Variants in INTS12 observed in about 807,000 individuals in gnomAD.
INTS12 encodes the protein PHD finger protein 22.
INTS12 carries 13 observed loss-of-function variants against 41.6 expected under a neutral mutation model. That is an observed-to-expected ratio of 0.31 (90% CI 0.20 to 0.50). The LOEUF is 0.50. Among genes scored for constraint, INTS12 ranks in the 20% least tolerant of loss-of-function variants. The pLI, the probability that INTS12 is intolerant of heterozygous loss-of-function variation, is 0.98. For missense variants in INTS12, 432 were observed against 541.6 expected (o/e 0.80, Z 2.01); for synonymous variants, 199 against 191.4 (o/e 1.04, Z -0.33).
Position 105,682,832 on chromosome 4 carries a change from T to C in INTS12, c.1290A>G (p.Ala430=). The C allele has an allele frequency of 1.2e-6, 2 of 1,614,154 alleles. No homozygotes were observed. The highest frequency in any genetic ancestry group is 1.3e-5 in the African/African-American group (1 of 75,052). The change falls in exon 8 of 8, where the codon GCA becomes GCG. Residue 430 remains alanine, a synonymous_variant. Coordinates refer to ENST00000340139, the MANE Select transcript of INTS12 (RefSeq NM_020395.4). ...TTSESSSSPS[A]SLKGPTSQES... ...CTTGTGAAGTTGGGCCTTTAAGGGATGCTGAGGGAGAGCTGCTGGATTCTG... is the reference window on the plus strand; with the variant it reads ...CTTGTGAAGTTGGGCCTTTAAGGGACGCTGAGGGAGAGCTGCTGGATTCTG...
At chr4:105,687,433 C>T (rs1731534880) in intron 6 of INTS12, among the ~76,000 whole-genome samples, 1 of 151,908 alleles carries the variant, frequency 6.6e-6, no homozygotes, top group African/African-American at 2.4e-5. Flanking sequence ...GAATTTTCAC[C>T]CACTATTATT....
At chr4:105,686,638 TTA>T in intron 7 of INTS12, 52 bp downstream of exon 7, 1 of 1,387,570 alleles carries the variant, frequency 7.2e-7, no homozygotes, top group East Asian at 2.3e-5. Flanking sequence ...CAACTATTTT[TTA>T]GTCAACTAAA....
chr4:105,708,242 T>A, intron 1 of INTS12: 3 of 985,402 alleles, frequency 3.0e-6, no homozygotes, highest in Non-Finnish European at 3.6e-6. Flanking sequence ...AGAAAAGGAA[T>A]GTCAATCCTT....
At chr4:105,700,513 T>C (rs1247889227) in intron 2 of INTS12, among the ~76,000 whole-genome samples, 1 of 151,378 alleles carries the variant, frequency 6.6e-6, no homozygotes, top group Admixed American at 6.6e-5. Flanking sequence ...TCATGGTCAC[T>C]GCTGCCACTT....
In INTS12 at chr4:105,682,778, T is replaced by C. The variant is rs34234581; in HGVS notation, c.1344A>G (p.Leu448=). 888 of 1,614,130 alleles carry C rather than the reference T, an allele frequency of 5.5e-4. 9 individuals carry two copies. In the African/African-American group the frequency reaches 0.011, roughly 19 times the overall value. The change falls in exon 8 of 8, where the codon TTA becomes TTG. Residue 448 remains leucine (L), a synonymous_variant. Coordinates refer to ENST00000340139, the MANE Select transcript of INTS12 (RefSeq NM_020395.4). ...QESQLNAMKR[L]QMVKKKAAQK... The stretch of plus-strand genomic sequence containing the variant: ...GGGCAGCTTTCTTCTTGACCATCTG[T>C]AATCGCTTCATAGCATTGAGCTGTG...
At chr4:105,693,630 T>C (rs962262598) in intron 4 of INTS12, 144 bp from the exon 5 acceptor site, 5 of 569,720 alleles carry the variant, frequency 8.8e-6, no homozygotes, top group Non-Finnish European at 1.6e-5. Context: ...GATGTGCACA[T>C]TAAAGATCTG....
Position 105,700,007 on chromosome 4 carries a change from G to A in INTS12, c.-2C>T. 1 of 1,487,022 alleles carries A rather than the reference G, an allele frequency of 6.7e-7. No homozygotes were observed. Among genetic ancestry groups the A allele is most frequent in the South Asian group, 1.4e-5 (1 of 70,274 alleles). The allele number at this position is 1,487,022 out of a possible 1,614,324, so 92.1% of individuals were successfully genotyped here. A position where few individuals can be genotyped will look rare whatever the true frequency, so the allele number is the denominator to read the frequency against. On this transcript the variant is annotated 5_prime_UTR_variant, in exon 3 of 8. Transcript: ENST00000340139. ...TTCCAAGTTCACAGTAGCAGCCATT[G>A]CAAACGCCTGAAGGAAAAAAAGAGA... is the stretch of plus-strand genomic sequence containing the variant.
At chr4:105,689,779 G>T (rs936730578) in intron 6 of INTS12, among the ~76,000 whole-genome samples, 1 of 152,116 alleles carries the variant, frequency 6.6e-6, no homozygotes, top group African/African-American at 2.4e-5. Context: ...GGTGGCACAT[G>T]CCTGTAGTCC....
intron 3 of INTS12, among the ~76,000 whole-genome samples, chr4:105,697,802 C>A (rs547116529): frequency 2.0e-5 from 3 of 152,240 alleles, no homozygotes; most frequent in African/African-American, 7.2e-5. Flanking sequence ...GTAATCCCAG[C>A]ACTTTGGGAA....
intron 1 of INTS12, among the ~76,000 whole-genome samples, chr4:105,704,790 T>C (rs1209327289): frequency 6.6e-6 from 1 of 152,158 alleles, no homozygotes; most frequent in Non-Finnish European, 1.5e-5. Flanking sequence ...GAAGCAGCTT[T>C]AACTCTTCCC....
intron 3 of INTS12, among the ~76,000 whole-genome samples, chr4:105,697,419 G>A (rs1731906491): frequency 6.6e-6 from 1 of 151,636 alleles, no homozygotes; most frequent in Non-Finnish European, 1.5e-5. Context: ...CCTCTGAGGG[G>A]GGAAGAGAAG....
intron 6 of INTS12, among the ~76,000 whole-genome samples, chr4:105,691,717 T>C (rs549546202): frequency 6.6e-6 from 1 of 152,194 alleles, no homozygotes; most frequent in African/African-American, 2.4e-5. Context: ...GTAAGGAATA[T>C]TCATAATTTG....
chr4:105,682,664 A>G lies in INTS12; in HGVS notation c.*69T>C. 1.7e-6 allele frequency: 2 copies of G among 1,163,738 alleles called. No individual in the cohort carries two copies. Among genetic ancestry groups the G allele is most frequent in the African/African-American group, 1.5e-5 (1 of 64,792 alleles). The allele number at this position is 1,163,738 out of a possible 1,614,324, so 72.1% of individuals were successfully genotyped here. On this transcript the variant is annotated 3_prime_UTR_variant, in exon 8 of 8. Coordinates refer to ENST00000340139, the MANE Select transcript of INTS12 (RefSeq NM_020395.4). ...GACTTTTATTAAATTACAGTGTATT[A>G]CAGATTATATCATAATAATAAGCCT...
intron 3 of INTS12, among the ~76,000 whole-genome samples, chr4:105,696,266 T>C (rs1047363641): frequency 1.3e-5 from 2 of 152,194 alleles, no homozygotes; most frequent in Non-Finnish European, 2.9e-5. Flanking sequence ...CAAATTTCCT[T>C]GTGGCCCTTT....
At chr4:105,685,600 C>A (rs944516233) in intron 7 of INTS12, among the ~76,000 whole-genome samples, 1 of 151,978 alleles carries the variant, frequency 6.6e-6, no homozygotes, top group African/African-American at 2.4e-5. Context: ...TACTTACAGT[C>A]ACTTAGATAA....
At chr4:105,687,069 C>A in intron 6 of INTS12, 1 of 503,484 alleles carries the variant, frequency 2.0e-6, no homozygotes, top group South Asian at 2.4e-5. Context: ...AGAAATAATA[C>A]AGAAGAGGGT....
chr4:105,705,165 A>C (rs1027031676), intron 1 of INTS12: 4 of 152,096 alleles, frequency 2.6e-5, no homozygotes, highest in African/African-American at 9.7e-5. Flanking sequence ...CACTCCCATC[A>C]CTTGCATTAC....
At chr4:105,685,346 T>G (rs2149176900) in intron 7 of INTS12, among the ~76,000 whole-genome samples, 1 of 152,252 alleles carries the variant, frequency 6.6e-6, no homozygotes, top group East Asian at 1.9e-4. Flanking sequence ...TCTAAAAATC[T>G]ACTAAAAAGT....
intron 2 of INTS12, among the ~76,000 whole-genome samples, chr4:105,700,706 A>AACACGCACAC (rs1732036798): frequency 7.4e-6 from 1 of 134,752 alleles, no homozygotes; most frequent in African/African-American, 2.9e-5. Flanking sequence ...ATCTACTTAA[A>AACACGCACAC]ACACACACAC....
Sources: gnomAD v4.1 joint callset for allele counts (sites outside exome capture counted in the v4.1 genomes callset) on GRCh38, gnomAD v4.1.1 for gene constraint, MANE v1.5 for transcripts, NCBI Gene and HGNC (gene_info 2026-07-23, HGNC 2026-07-21) for gene names.